PTPRM: variants seen among roughly 807,000 people sequenced by gnomAD.
PTPRM encodes protein tyrosine phosphatase receptor type M.
PTPRM carries 47 observed loss-of-function variants against 186.7 expected under a neutral mutation model. The ratio of observed to expected loss-of-function variants is 0.25; its 90% CI spans 0.20 to 0.32. PTPRM has a LOEUF of 0.32. PTPRM is among the 10% of genes least tolerant of loss of function. The pLI is 1.00. For synonymous variants in PTPRM, 668 were observed against 674.9 expected, an observed-to-expected ratio of 0.99 and a Z score of 0.16; for missense variants, 1,494 against 1,865.0, an observed-to-expected ratio of 0.80 and a Z score of 3.66.
chr18:8,054,610 G>C (rs183620464), intron 7 of PTPRM, among the ~76,000 whole-genome samples: 79 of 151,978 alleles, frequency 5.2e-4, no homozygotes, highest in African/African-American at 1.4e-3. Context: ...TTACAACACT[G>C]TAACTCTGAG....
chr18:8,105,598 A>G (rs920859065), intron 11 of PTPRM, among the ~76,000 whole-genome samples: 2 of 152,092 alleles, frequency 1.3e-5, no homozygotes, highest in Non-Finnish European at 2.9e-5. Flanking sequence ...TCCCTCCCCT[A>G]CTTTTCACAT....
chr18:8,393,190 C>T (rs1039902667), intron 31 of PTPRM, among the ~76,000 whole-genome samples: 2 of 152,198 alleles, frequency 1.3e-5, no homozygotes, highest in South Asian at 4.1e-4. Context: ...AAGTTAACAT[C>T]ACCAGTAATA....
At chr18:7,641,040 C>T (rs2038430455) in intron 1 of PTPRM, among the ~76,000 whole-genome samples, 1 of 152,080 alleles carries the variant, frequency 6.6e-6, no homozygotes, top group Non-Finnish European at 1.5e-5. Flanking sequence ...GGAAATAACT[C>T]CCAAGAACAT....
chr18:8,252,764 G>T (rs959509840), intron 18 of PTPRM, among the ~76,000 whole-genome samples: 2 of 152,144 alleles, frequency 1.3e-5, no homozygotes, highest in Non-Finnish European at 2.9e-5. Context: ...CATGTATTAA[G>T]TCCCCATTTC....
At chr18:7,922,276 C>T (rs957427505) in intron 4 of PTPRM, among the ~76,000 whole-genome samples, 2 of 152,228 alleles carry the variant, frequency 1.3e-5, no homozygotes, top group African/African-American at 2.4e-5. Context: ...TTAACAGCCA[C>T]TCTGATTTGG....
chr18:8,282,574 A>G (rs553012535), intron 19 of PTPRM, among the ~76,000 whole-genome samples: 6 of 152,200 alleles, frequency 3.9e-5, no homozygotes, highest in African/African-American at 1.4e-4. Context: ...AGGCGGGAGA[A>G]ACGCTTGAAC....
rs116014095 is a variant in PTPRM at position 8,119,740 on chromosome 18, A to C, written c.2167+4913A>C. On this transcript the variant is annotated intron_variant, in intron 13 of 32. Coordinates refer to ENST00000580170, the MANE Select transcript of PTPRM (RefSeq NM_001105244.2). The stretch of plus-strand genomic sequence containing the variant: ...AGTCATGCAAAATGCAGTTAGGTAA[A>C]TGCTGGCTCAACAAGCTTCCAGGAG... Among the ~76,000 whole-genome samples, 688 of 152,236 alleles carry C rather than the reference A, an allele frequency of 4.5e-3. 1 individual carries two copies. The highest frequency in any genetic ancestry group is 0.016 in the African/African-American group (652 of 41,542).
intron 1 of PTPRM, among the ~76,000 whole-genome samples, chr18:7,657,994 T>G (rs2038890975): frequency 6.6e-6 from 1 of 152,204 alleles, no homozygotes; most frequent in African/African-American, 2.4e-5. Context: ...GTGAAATGAT[T>G]ACCACCCCTC....
intron 8 of PTPRM, among the ~76,000 whole-genome samples, chr18:8,073,204 A>C (rs2089596162): frequency 6.6e-6 from 1 of 152,250 alleles, no homozygotes. Context: ...CAAATAAGAA[A>C]TATCACTGGC....
At chr18:7,612,619 C>T (rs2037703808) in intron 1 of PTPRM, among the ~76,000 whole-genome samples, 1 of 152,152 alleles carries the variant, frequency 6.6e-6, no homozygotes, top group Admixed American at 6.6e-5. Flanking sequence ...TGGACTAAGT[C>T]ATAGCTCTTC....
intron 2 of PTPRM, among the ~76,000 whole-genome samples, chr18:7,798,514 G>T (rs774351136): frequency 3.3e-5 from 5 of 151,276 alleles, no homozygotes; most frequent in African/African-American, 1.2e-4. Context: ...GGGCGACAGG[G>T]CAAGAATCCG....
intron 28 of PTPRM, 86 bp downstream of exon 28, chr18:8,379,426 A>T: frequency 7.6e-7 from 1 of 1,318,586 alleles, no homozygotes; most frequent in Non-Finnish European, 1.0e-6. Context: ...CATTCTGCTC[A>T]CCAGCCCTTT....
Position 8,372,056 on chromosome 18 carries a change from CTTTTTT to C in PTPRM, c.3171+1071_3171+1076del, listed in dbSNP as rs557766971. On this transcript the variant is annotated intron_variant, in intron 24 of 32. Coordinates refer to ENST00000580170, the MANE Select transcript of PTPRM (RefSeq NM_001105244.2). ...TTGGCCTTCCTCTCCACTCTATATTCTTTTTTTTTTTTTTTTTTTTTTTTTTAAGAC... is the reference window on the plus strand; with the variant it reads ...TTGGCCTTCCTCTCCACTCTATATTCTTTTTTTTTTTTTTTTTTTTAAGAC... Among the ~76,000 whole-genome samples, 25 of 59,068 alleles carry C rather than the reference CTTTTTT, an allele frequency of 4.2e-4. 1 individual carries two copies. The highest frequency in any genetic ancestry group is 1.6e-3 in the East Asian group (3 of 1,894). The allele number at this position is 59,068 out of a possible 152,430, so 38.8% of individuals were successfully genotyped here. A position where few individuals can be genotyped will look rare whatever the true frequency, so the allele number is the denominator to read the frequency against.
chr18:8,222,886 G>C (rs1194845540), intron 14 of PTPRM, among the ~76,000 whole-genome samples: 1 of 151,254 alleles, frequency 6.6e-6, no homozygotes, highest in Non-Finnish European at 1.5e-5. Context: ...CCAGGAGTTC[G>C]AGACCAGCTT....
intron 1 of PTPRM, among the ~76,000 whole-genome samples, chr18:7,712,267 G>A (rs1287737270): frequency 6.6e-6 from 1 of 152,164 alleles, no homozygotes; most frequent in African/African-American, 2.4e-5. Flanking sequence ...CAGCAGAGGG[G>A]CCTGATTGTT....
intron 1 of PTPRM, among the ~76,000 whole-genome samples, chr18:7,589,958 T>C (rs8086288): frequency 0.012 from 1,759 of 152,274 alleles, 32 homozygotes; most frequent in African/African-American, 0.041. Flanking sequence ...AAGCCACTTA[T>C]TATGTGACAT....
chr18:7,722,361 T>G (rs2040463055), intron 1 of PTPRM, among the ~76,000 whole-genome samples: 2 of 152,190 alleles, frequency 1.3e-5, no homozygotes, highest in Non-Finnish European at 2.9e-5. Context: ...AAGTTAGACT[T>G]TTAATAAGTT....
In PTPRM at chr18:7,772,333, TTTTCTTTCTTTCTTTCTC is replaced by T. The variant is rs1270075826; in HGVS notation, c.74-1798_74-1781del. Among the ~76,000 whole-genome samples, 598 of 145,530 alleles carry T rather than the reference TTTTCTTTCTTTCTTTCTC, an allele frequency of 4.1e-3. 3 individuals are homozygous for T. Among genetic ancestry groups the T allele is most frequent in the Non-Finnish European group, 6.4e-3 (428 of 66,568 alleles). Reference sequence around the variant, plus strand: ...CCTTCCTTCCTCCCTTCGTTCTTTCTTTTCTTTCTTTCTTTCTCTTTCTTTCTTTCTTTCTTTCTTTCT... The same window carrying T: ...CCTTCCTTCCTCCCTTCGTTCTTTCTTTTCTTTCTTTCTTTCTTTCTTTCT... On this transcript the variant is annotated intron_variant, in intron 1 of 32. Transcript: ENST00000580170.
chr18:8,149,103 G>A (rs545947257), intron 14 of PTPRM, among the ~76,000 whole-genome samples: 1 of 152,238 alleles, frequency 6.6e-6, no homozygotes, highest in Non-Finnish European at 1.5e-5. Context: ...AGTGTGATGA[G>A]GTGAAAAGAA....
Sources: gnomAD v4.1 joint callset for allele counts (sites outside exome capture counted in the v4.1 genomes callset) on GRCh38, gnomAD v4.1.1 for gene constraint, MANE v1.5 for transcripts, NCBI Gene and HGNC (gene_info 2026-07-23, HGNC 2026-07-21) for gene names.